Variants in SHISA6 observed in about 807,000 individuals in gnomAD.
The protein encoded by SHISA6 is protein shisa-6.
A neutral mutation model predicts 47.9 loss-of-function variants in SHISA6; 22 were observed. That is an observed-to-expected ratio of 0.46 (90% CI 0.33 to 0.66). The LOEUF (loss-of-function observed/expected upper bound fraction) is 0.66. SHISA6 is among the 30% of genes least tolerant of loss of function. The probability of loss-of-function intolerance (pLI) is 0.02; values close to 1 mark genes in which losing one functional copy is unlikely to be tolerated. For missense variants in SHISA6, 680 were observed against 764.6 expected, an observed-to-expected ratio of 0.89 and a Z score of 1.30; for synonymous variants, 388 against 337.8, an observed-to-expected ratio of 1.15 and a Z score of -1.63.
At position 11,531,069 on chromosome 17, in the gene SHISA6, G is replaced by A. The variant is rs189587407; in HGVS notation, c.896-20827G>A. ...TTTGAGTAGAATGCCACCAAGACAAGGTCAACTGTGCAGTATTGATAAACA... is the reference window on the plus strand; with the variant it reads ...TTTGAGTAGAATGCCACCAAGACAAAGTCAACTGTGCAGTATTGATAAACA... On this transcript the variant is annotated intron_variant, in intron 3 of 5. Coordinates refer to ENST00000441885, the MANE Select transcript of SHISA6 (RefSeq NM_207386.4). Among the ~76,000 whole-genome samples the A allele has an allele frequency of 9.8e-4, 149 of 152,194 alleles. 3 individuals are homozygous for A. The highest frequency in any genetic ancestry group is 6.8e-3 in the Middle Eastern group (2 of 294).
At position 11,482,722 on chromosome 17, in the gene SHISA6, G is replaced by C. The variant is rs73977324; in HGVS notation, c.896-69174G>C. Among the ~76,000 whole-genome samples, 87 of 152,264 alleles carry C rather than the reference G, an allele frequency of 5.7e-4. 2 individuals are homozygous for C. The East Asian group carries it at 0.016, about 27-fold the overall frequency. On this transcript the variant is annotated intron_variant, in intron 3 of 5. Transcript: ENST00000441885. ...AATGTAAACAAAGATAATTAGAATT[G>C]ATCAATATTGGGGCCAAAACTTTGA...
At chr17:11,520,522 C>T (rs943749406) in intron 3 of SHISA6, among the ~76,000 whole-genome samples, 3 of 152,120 alleles carry the variant, frequency 2.0e-5, no homozygotes, top group Non-Finnish European at 2.9e-5. Flanking sequence ...AATGGTATCT[C>T]AAGCCTCTCT....
At position 11,392,034 on chromosome 17, in the gene SHISA6, A is replaced by T. The variant is rs576772940; in HGVS notation, c.895+12525A>T. ...TAATAGCAGATTGTTCGTAGTTCATACCTGAAGGCCCTTCCACAAGGAATT... is the reference window on the plus strand; with the variant it reads ...TAATAGCAGATTGTTCGTAGTTCATTCCTGAAGGCCCTTCCACAAGGAATT... On this transcript the variant is annotated intron_variant, in intron 3 of 5. Coordinates refer to ENST00000441885, the MANE Select transcript of SHISA6 (RefSeq NM_207386.4). 5.9e-5 allele frequency among the ~76,000 whole-genome samples: 9 copies of T among 152,314 alleles called. No homozygotes were observed. The East Asian group carries it at 1.7e-3, about 29-fold the overall frequency.
intron 3 of SHISA6, among the ~76,000 whole-genome samples, chr17:11,383,928 G>A (rs545228516): frequency 4.6e-5 from 7 of 152,276 alleles, no homozygotes; most frequent in African/African-American, 1.4e-4. Flanking sequence ...GCAAGGCAAA[G>A]AGTCCTCCCA....
chr17:11,409,838 C>A (rs929626255), intron 3 of SHISA6, among the ~76,000 whole-genome samples: 1 of 152,050 alleles, frequency 6.6e-6, no homozygotes, highest in Non-Finnish European at 1.5e-5. Context: ...CAAGAACTTA[C>A]CTGGAATAGT....
At chr17:11,289,099 T>C (rs1909429429) in intron 2 of SHISA6, 1 of 152,224 alleles carries the variant, frequency 6.6e-6, no homozygotes, top group African/African-American at 2.4e-5. Flanking sequence ...AGGTATACTT[T>C]AATTTCCTGT....
chr17:11,522,244 C>G (rs962746212), intron 3 of SHISA6, among the ~76,000 whole-genome samples: 1 of 151,998 alleles, frequency 6.6e-6, no homozygotes, highest in Non-Finnish European at 1.5e-5. Context: ...GGATTACAGG[C>G]GTGAGTCACC....
At chr17:11,325,878 CA>C (rs1477733500) in intron 2 of SHISA6, among the ~76,000 whole-genome samples, 1 of 151,974 alleles carries the variant, frequency 6.6e-6, no homozygotes. Flanking sequence ...TTAACAATGC[CA>C]AAAAACAATA....
chr17:11,418,091 A>G (rs552297896), intron 3 of SHISA6, among the ~76,000 whole-genome samples: 47 of 152,372 alleles, frequency 3.1e-4, no homozygotes, highest in Middle Eastern at 6.8e-3. Context: ...AATGCCTTCC[A>G]AATTTTAGAA....
intron 3 of SHISA6, among the ~76,000 whole-genome samples, chr17:11,403,775 A>G (rs903380984): frequency 6.6e-6 from 1 of 152,238 alleles, no homozygotes; most frequent in African/African-American, 2.4e-5. Flanking sequence ...AAAAGCAACA[A>G]TGAACACATT....
intron 3 of SHISA6, among the ~76,000 whole-genome samples, chr17:11,494,061 T>G (rs1393399957): frequency 1.3e-5 from 2 of 152,088 alleles, no homozygotes; most frequent in Non-Finnish European, 2.9e-5. Context: ...CTCATTCACA[T>G]TGTTATTTGA....
intron 3 of SHISA6, among the ~76,000 whole-genome samples, chr17:11,455,149 A>G (rs1915502940): frequency 6.6e-6 from 1 of 152,172 alleles, no homozygotes; most frequent in African/African-American, 2.4e-5. Flanking sequence ...AGCCTGGGCG[A>G]CAGAGCAAGA....
rs371940774 is a variant in SHISA6, at chr17:11,498,268, C to A, written c.896-53628C>A. 7.9e-5 allele frequency among the ~76,000 whole-genome samples: 12 copies of A among 152,278 alleles called. No homozygotes were observed. In the East Asian group the frequency reaches 2.1e-3, roughly 27 times the overall value. On this transcript the variant is annotated intron_variant, in intron 3 of 5. Transcript: ENST00000441885. ...TATCTTGCACCTTCCCTGAGCTAGT[C>A]CTTCCTCCTCCTCCATCCCCAAACA...
chr17:11,449,770 A>G (rs971800801), intron 3 of SHISA6, among the ~76,000 whole-genome samples: 7 of 152,228 alleles, frequency 4.6e-5, no homozygotes, highest in African/African-American at 7.2e-5. Context: ...AAATCTGCCT[A>G]GCGTCTTTGT....
At chr17:11,285,634 C>T (rs1226112085) in intron 2 of SHISA6, among the ~76,000 whole-genome samples, 3 of 152,150 alleles carry the variant, frequency 2.0e-5, no homozygotes. Flanking sequence ...ATCAATTTCC[C>T]TTTTTGCCCC....
chr17:11,286,120 C>T (rs1909290756), intron 2 of SHISA6, among the ~76,000 whole-genome samples: 1 of 152,056 alleles, frequency 6.6e-6, no homozygotes, highest in Non-Finnish European at 1.5e-5. Flanking sequence ...ATGAACTATA[C>T]CACTGGCCAC....
intron 1 of SHISA6, among the ~76,000 whole-genome samples, chr17:11,253,967 T>C (rs934682578): frequency 6.6e-6 from 1 of 152,184 alleles, no homozygotes; most frequent in Admixed American, 6.5e-5. Context: ...CTAAGGACTC[T>C]TGCTTGTGAA....
chr17:11,480,480 C>T (rs1290922195), intron 3 of SHISA6, among the ~76,000 whole-genome samples: 1 of 152,072 alleles, frequency 6.6e-6, no homozygotes, highest in Non-Finnish European at 1.5e-5. Context: ...GGACAGCTGC[C>T]AGGAGAAGGA....
At chr17:11,519,364 T>C (rs2142361604) in intron 3 of SHISA6, among the ~76,000 whole-genome samples, 1 of 152,346 alleles carries the variant, frequency 6.6e-6, no homozygotes, top group South Asian at 2.1e-4. Context: ...GAGGACATTA[T>C]GCTGAATGAA....
Sources: gnomAD v4.1 joint callset for allele counts (sites outside exome capture counted in the v4.1 genomes callset) on GRCh38, gnomAD v4.1.1 for gene constraint, MANE v1.5 for transcripts, NCBI Gene and HGNC (gene_info 2026-07-23, HGNC 2026-07-21) for gene names.